BCORL1: variants seen among roughly 807,000 people sequenced by gnomAD.
BCORL1 encodes BCL6 corepressor like 1.
In BCORL1, 7 loss-of-function variants were observed where a neutral mutation model predicts 87.6. That is an observed-to-expected ratio of 0.08 (90% CI 0.05 to 0.15). The LOEUF is 0.15. Among genes scored for constraint, BCORL1 ranks in the 10% least tolerant of loss-of-function variants. BCORL1 has a pLI of 1.00. For synonymous variants in BCORL1, 591 were observed against 634.4 expected (o/e 0.93, Z 1.03); for missense variants, 1,215 against 1,499.7 (o/e 0.81, Z 3.13).
chrX:129,985,640 G>A (rs752289327), intron 1 of BCORL1, among the ~76,000 whole-genome samples: 14 of 111,338 alleles, frequency 1.3e-4, no homozygotes, highest in African/African-American at 4.2e-4. Flanking sequence ...GAATCTGAAG[G>A]TTGATAGTAG....
In BCORL1 at chrX:130,015,866, G is replaced by T; in HGVS notation, c.3094G>T (p.Gly1032Cys). The change falls in exon 4 of 14, where the codon GGC becomes TGC. Residue 1032 changes from glycine to cysteine, a missense_variant. Coordinates refer to ENST00000540052, the MANE Select transcript of BCORL1 (RefSeq NM_001379451.1). ...GGACGTGGTTCCGAGCAGCAGGAGG[G>T]GCTCCAGCACAGAGCGCCCACAGCT... ...ILDVVPSSRR[G>C]SSTERPQLGS... 3 of 1,211,805 alleles carry T rather than the reference G, an allele frequency of 2.5e-6. No homozygotes were observed. The highest frequency in any genetic ancestry group is 3.3e-6 in the Non-Finnish European group (3 of 895,559).
chrX:130,009,293 C>T (rs1928770415), intron 2 of BCORL1, among the ~76,000 whole-genome samples: 1 of 110,529 alleles, frequency 9.0e-6, no homozygotes, highest in Non-Finnish European at 1.9e-5. Flanking sequence ...GGAGAAACCC[C>T]GTCTCTACTA....
rs1928911519 is a variant in BCORL1 at position 130,011,054 on chromosome X, A to AAGAAGG, written c.87-1523_87-1518dup. On this transcript the variant is annotated intron_variant, in intron 2 of 13. Transcript: ENST00000540052. ...AAAAAAAGAGGGAAAAAAGGAAAGA[A>AAGAAGG]AGAAGGGAGGTCACCTCAGGCACAG... 2.8e-5 allele frequency among the ~76,000 whole-genome samples: 3 copies of AAGAAGG among 106,069 alleles called. No homozygotes were observed. The Admixed American group carries it at 3.1e-4, about 11-fold the overall frequency. 92.1% of individuals were successfully genotyped at this position (106,069 alleles called of 115,157 possible). A position where few individuals can be genotyped will look rare whatever the true frequency, so the allele number is the denominator to read the frequency against.
intron 8 of BCORL1, among the ~76,000 whole-genome samples, chrX:130,030,555 A>G (rs1930525395): frequency 9.1e-6 from 1 of 110,334 alleles, no homozygotes; most frequent in Non-Finnish European, 1.9e-5. Flanking sequence ...GGCTCGTTCC[A>G]TATGTCTCTC....
In BCORL1 at chrX:130,005,295, A is replaced by C; in HGVS notation, c.64A>C (p.Met22Leu). The C allele has an allele frequency of 8.3e-7, 1 of 1,211,697 alleles. No homozygotes were observed. Among genetic ancestry groups the C allele is most frequent in the Non-Finnish European group, 1.1e-6 (1 of 895,360 alleles). The change falls in exon 2 of 14, where the codon ATG becomes CTG. Residue 22 changes from methionine to leucine, a missense_variant. Coordinates refer to ENST00000540052, the MANE Select transcript of BCORL1 (RefSeq NM_001379451.1). Reference sequence around the variant, plus strand: ...CTGGACCAGTTCTGACCGGATTCGCATGTGTGGCATCAACGAGGAGAGGTG... The same window carrying C: ...CTGGACCAGTTCTGACCGGATTCGCCTGTGTGGCATCAACGAGGAGAGGTG... The part of the protein sequence containing the change: ...HNWTSSDRIR[M>L]CGINEERRAP...
rs185766985 is a variant in BCORL1 at position 130,002,799 on chromosome X, A to T, written c.-44-2389A>T. On this transcript the variant is annotated intron_variant, in intron 1 of 13. Transcript: ENST00000540052. ...GAAGAGTAAAGAGAGAGAGATGGGT[A>T]GGGGGATGAGAAAGAGGGAAGAAGC... is the stretch of plus-strand genomic sequence containing the variant. 2.9e-3 allele frequency among the ~76,000 whole-genome samples: 310 copies of T among 105,907 alleles called. 3 individuals are homozygous for T. The highest frequency in any genetic ancestry group is 0.01 in the African/African-American group (291 of 28,881). The allele number at this position is 105,907 out of a possible 115,157, so 92.0% of individuals were successfully genotyped here.
At chrX:129,986,613 G>A (rs1180102311) in intron 1 of BCORL1, among the ~76,000 whole-genome samples, 1 of 111,601 alleles carries the variant, frequency 9.0e-6, no homozygotes, top group Non-Finnish European at 1.9e-5. Context: ...GAGGTCAGGA[G>A]TTCAAGACCA....
At chrX:129,989,659 G>T (rs1240736691) in intron 1 of BCORL1, among the ~76,000 whole-genome samples, 22 of 104,265 alleles carry the variant, frequency 2.1e-4, no homozygotes, top group Non-Finnish European at 4.1e-4. Context: ...TAGAGACGGG[G>T]TTTCACCATG....
At position 130,039,378 on chromosome X, in the gene BCORL1, C is replaced by T. The variant is rs113258461; in HGVS notation, c.4840+96C>T. 2.4e-3 allele frequency: 2,468 copies of T among 1,045,323 alleles called. 33 individuals carry two copies. In the African/African-American group the frequency reaches 0.039, roughly 17 times the overall value. 86.1% of individuals were successfully genotyped at this position (1,045,323 alleles called of 1,213,427 possible). A position where few individuals can be genotyped will look rare whatever the true frequency, so the allele number is the denominator to read the frequency against. ...CCTCTTCATCTCCTTCCACCTTGAA[C>T]AGCTCCCATGAGGGCCATCTGCCCT... is the stretch of plus-strand genomic sequence containing the variant. On this transcript the variant is annotated intron_variant, in intron 11 of 13. Transcript: ENST00000540052.
intron 2 of BCORL1, among the ~76,000 whole-genome samples, chrX:130,009,406 A>G (rs2124422473): frequency 9.3e-6 from 1 of 107,830 alleles, no homozygotes; most frequent in Admixed American, 9.9e-5. Flanking sequence ...GTGAGCTGAG[A>G]TCGCACCATT....
At chrX:130,003,418 G>GT (rs1230505626) in intron 1 of BCORL1, among the ~76,000 whole-genome samples, 1 of 105,262 alleles carries the variant, frequency 9.5e-6, no homozygotes, top group Non-Finnish European at 1.9e-5. Flanking sequence ...TGTTGCCCAG[G>GT]TTGGAGTGCA....
intron 7 of BCORL1, among the ~76,000 whole-genome samples, chrX:130,025,837 A>G (rs1034973084): frequency 9.0e-6 from 1 of 110,976 alleles, no homozygotes; most frequent in African/African-American, 3.3e-5. Flanking sequence ...GGGTTCTTCA[A>G]ACCAACAGAA....
chrX:130,048,458 T>TA (rs1442331362), intron 11 of BCORL1, among the ~76,000 whole-genome samples: 1 of 111,836 alleles, frequency 8.9e-6, no homozygotes, highest in African/African-American at 3.2e-5. Context: ...GAGCCATGTG[T>TA]ACCCTTAGAT....
chrX:130,012,845 T>C, intron 3 of BCORL1, 105 bp from the exon 4 acceptor site: 1 of 1,106,932 alleles, frequency 9.0e-7, no homozygotes, highest in East Asian at 3.0e-5. Context: ...CGAGACCTGG[T>C]TGGTCGAGTT....
chrX:130,049,246 T>C (rs1931939108), intron 11 of BCORL1, among the ~76,000 whole-genome samples: 1 of 112,542 alleles, frequency 8.9e-6, no homozygotes, highest in African/African-American at 3.2e-5. Context: ...AGCTGAACCA[T>C]TGAGTATTTC....
chrX:130,044,583 C>T (rs760633072), intron 11 of BCORL1, among the ~76,000 whole-genome samples: 2 of 109,964 alleles, frequency 1.8e-5, no homozygotes, highest in Non-Finnish European at 1.9e-5. Flanking sequence ...GATCTTGGCT[C>T]ACTGCAACTT....
Position 130,048,125 on chromosome X carries a change from T to G in BCORL1, c.4841-2592T>G, listed in dbSNP as rs189500815. Reference sequence around the variant, plus strand: ...CTTCTCTCTGGCTGCCTTTTCCTACTGGGGGAAACCCGCCATCACCTGGAA... The same window carrying G: ...CTTCTCTCTGGCTGCCTTTTCCTACGGGGGGAAACCCGCCATCACCTGGAA... On this transcript the variant is annotated intron_variant, in intron 11 of 13. Coordinates refer to ENST00000540052, the MANE Select transcript of BCORL1 (RefSeq NM_001379451.1). Among the ~76,000 whole-genome samples, 241 of 112,185 alleles carry G rather than the reference T, an allele frequency of 2.1e-3. 1 individual carries two copies. Among genetic ancestry groups the G allele is most frequent in the African/African-American group, 7.4e-3 (228 of 30,950 alleles).
At chrX:130,018,022 G>T (rs932789560) in intron 4 of BCORL1, among the ~76,000 whole-genome samples, 1 of 111,871 alleles carries the variant, frequency 8.9e-6, no homozygotes, top group Non-Finnish European at 1.9e-5. Flanking sequence ...TCCTTCCCAG[G>T]CAATGGGAAT....
chrX:130,030,972 G>A (rs985573311), intron 8 of BCORL1, among the ~76,000 whole-genome samples: 1 of 112,643 alleles, frequency 8.9e-6, no homozygotes, highest in Non-Finnish European at 1.9e-5. Context: ...GGGGGAGGGC[G>A]GGGAACGCTC....
Sources: allele counts gnomAD v4.1 joint callset (sites outside exome capture counted in the v4.1 genomes callset), GRCh38; gene constraint gnomAD v4.1.1; transcripts MANE v1.5; gene names NCBI Gene and HGNC (gene_info 2026-07-23, HGNC 2026-07-21).